LRP6: variants seen among roughly 807,000 people sequenced by gnomAD.
LRP6 encodes the protein LDL receptor related protein 6, also known as low-density lipoprotein receptor-related protein 6.
A neutral mutation model predicts 184.1 loss-of-function variants in LRP6; 43 were observed. The observed-to-expected ratio is 0.23, with a 90% CI of 0.18 to 0.30. LRP6 has a LOEUF of 0.30. Among genes scored for constraint, LRP6 ranks in the 10% least tolerant of loss-of-function variants. The pLI, the probability that LRP6 is intolerant of heterozygous loss-of-function variation, is 1.00. For synonymous variants in LRP6, 719 were observed against 684.9 expected, an observed-to-expected ratio of 1.05 and a Z score of -0.78; for missense variants, 1,571 against 2,005.3, an observed-to-expected ratio of 0.78 and a Z score of 4.14.
intron 14 of LRP6, among the ~76,000 whole-genome samples, chr12:12,147,883 G>A (rs1376451565): frequency 6.6e-6 from 1 of 151,960 alleles, no homozygotes; most frequent in Non-Finnish European, 1.5e-5. Flanking sequence ...GCTGAGGTGG[G>A]AGGATCACTT....
intron 2 of LRP6, among the ~76,000 whole-genome samples, chr12:12,236,166 G>C (rs1236718604): frequency 6.6e-6 from 1 of 152,104 alleles, no homozygotes; most frequent in Non-Finnish European, 1.5e-5. Context: ...GGCGGAGCTT[G>C]CAGTGAGCCA....
chr12:12,177,556 C>T (rs544726883), intron 7 of LRP6, among the ~76,000 whole-genome samples: 2 of 152,266 alleles, frequency 1.3e-5, no homozygotes, highest in African/African-American at 4.8e-5. Flanking sequence ...CGAAGAGCTG[C>T]ACTCTTTCTT....
Position 12,249,694 on chromosome 12 carries a change from AG to A in LRP6, c.56-5040del, listed in dbSNP as rs1191366869. ...ACAGAAGGAAGGAAGGAAGGAAGGA[AG>A]GAAGGAAGGAAGGAAGGAAGGAAGG... On this transcript the variant is annotated intron_variant, in intron 1 of 22. Coordinates refer to ENST00000261349, the MANE Select transcript of LRP6 (RefSeq NM_002336.3). Among the ~76,000 whole-genome samples the A allele has an allele frequency of 8.6e-4, 116 of 135,014 alleles. 1 individual carries two copies. The highest frequency in any genetic ancestry group is 3.1e-3 in the African/African-American group (112 of 35,876). The allele number at this position is 135,014 out of a possible 152,430, so 88.6% of individuals were successfully genotyped here.
At chr12:12,184,181 T>C in intron 4 of LRP6, 70 bp from the exon 5 acceptor site, 1 of 1,427,982 alleles carries the variant, frequency 7.0e-7, no homozygotes, top group Non-Finnish European at 9.9e-7. Flanking sequence ...AACCATAACA[T>C]GAACAACTGT....
chr12:12,148,443 TTGAG>T (rs1452299305), intron 14 of LRP6, among the ~76,000 whole-genome samples: 2 of 152,214 alleles, frequency 1.3e-5, no homozygotes, highest in Admixed American at 6.5e-5. Flanking sequence ...CAACTGATTA[TTGAG>T]TATTTATTAA....
In LRP6 at chr12:12,181,457, A is replaced by T. The variant is rs952944566; in HGVS notation, c.977-18T>A. 5 of 1,017,658 alleles carry T rather than the reference A, an allele frequency of 4.9e-6. No individual in the cohort carries two copies. The highest frequency in any genetic ancestry group is 1.6e-5 in the African/African-American group (1 of 64,058). The allele number at this position is 1,017,658 out of a possible 1,614,324, so 63.0% of individuals were successfully genotyped here. A position where few individuals can be genotyped will look rare whatever the true frequency, so the allele number is the denominator to read the frequency against. ...TGTGGCACCTAGAACAACAAAGTGA[A>T]ATGAAGAATACTTTGAAACCCAGAG... On this transcript the variant is annotated intron_variant, in intron 5 of 22. Coordinates refer to ENST00000261349, the MANE Select transcript of LRP6 (RefSeq NM_002336.3).
intron 7 of LRP6, among the ~76,000 whole-genome samples, chr12:12,173,787 T>TC (rs1355263809): frequency 1.3e-5 from 2 of 152,096 alleles, no homozygotes; most frequent in Non-Finnish European, 2.9e-5. Flanking sequence ...TGCCCAATAA[T>TC]CAACTAGCAA....
chr12:12,206,260 T>A (rs189902707), intron 2 of LRP6, among the ~76,000 whole-genome samples: 2 of 152,132 alleles, frequency 1.3e-5, no homozygotes, highest in African/African-American at 4.8e-5. Context: ...TTTTTCATTT[T>A]GGCCAGGTGC....
At chr12:12,214,855 C>T (rs1864298544) in intron 2 of LRP6, among the ~76,000 whole-genome samples, 1 of 152,212 alleles carries the variant, frequency 6.6e-6, no homozygotes, top group Non-Finnish European at 1.5e-5. Context: ...CAGGAAATGA[C>T]CTTCAGGCTG....
chr12:12,243,045 T>C (rs368244507), intron 2 of LRP6, among the ~76,000 whole-genome samples: 1 of 152,358 alleles, frequency 6.6e-6, no homozygotes, highest in East Asian at 1.9e-4. Flanking sequence ...GAAAACAAAG[T>C]ATTAAAATAG....
chr12:12,142,866 C>T (rs540866140), intron 15 of LRP6, among the ~76,000 whole-genome samples: 1 of 152,060 alleles, frequency 6.6e-6, no homozygotes, highest in East Asian at 1.9e-4. Flanking sequence ...AATACTTAAT[C>T]ACAAAAGTAC....
At chr12:12,262,473 G>A (rs781466429) in intron 1 of LRP6, among the ~76,000 whole-genome samples, 4 of 151,712 alleles carry the variant, frequency 2.6e-5, no homozygotes, top group East Asian at 1.9e-4. Flanking sequence ...CAGGAGAATC[G>A]CTTGAACCAA....
intron 2 of LRP6, among the ~76,000 whole-genome samples, chr12:12,221,111 A>G (rs1487106606): frequency 3.9e-5 from 6 of 152,244 alleles, no homozygotes; most frequent in Non-Finnish European, 7.3e-5. Flanking sequence ...TGGTTAGCAG[A>G]AAACTGTCAG....
chr12:12,191,107 A>T (rs1489845211), intron 3 of LRP6, among the ~76,000 whole-genome samples: 9 of 152,256 alleles, frequency 5.9e-5, no homozygotes, highest in Admixed American at 3.9e-4. Context: ...TAGTAGACCA[A>T]TCTGAGAACA....
At chr12:12,162,130 C>G in intron 10 of LRP6, 63 bp downstream of exon 10, 1 of 1,230,342 alleles carries the variant, frequency 8.1e-7, no homozygotes. Flanking sequence ...TCATCTGTAA[C>G]TATGCCATGT....
chr12:12,190,879 C>A (rs189664626), intron 3 of LRP6, among the ~76,000 whole-genome samples: 6 of 152,284 alleles, frequency 3.9e-5, no homozygotes, highest in African/African-American at 1.4e-4. Context: ...CTCCATGAAT[C>A]CTCCATGTGA....
At chr12:12,153,863 G>A (rs1334200428) in intron 12 of LRP6, among the ~76,000 whole-genome samples, 6 of 152,162 alleles carry the variant, frequency 3.9e-5, no homozygotes, top group Admixed American at 3.9e-4. Context: ...AGGCATATGT[G>A]TTCACTGGTA....
At chr12:12,217,121 G>C (rs1864368774) in intron 2 of LRP6, among the ~76,000 whole-genome samples, 1 of 152,158 alleles carries the variant, frequency 6.6e-6, no homozygotes, top group South Asian at 2.1e-4. Context: ...CACACAGCAG[G>C]AGGTGAGCAA....
At chr12:12,265,754 A>C (rs1326003787) in intron 1 of LRP6, among the ~76,000 whole-genome samples, 5 of 152,214 alleles carry the variant, frequency 3.3e-5, no homozygotes, top group African/African-American at 1.2e-4. Context: ...CCGACGGGCC[A>C]GTCAAAAATC....
Sources: gnomAD v4.1 joint callset for allele counts (sites outside exome capture counted in the v4.1 genomes callset) on GRCh38, gnomAD v4.1.1 for gene constraint, MANE v1.5 for transcripts, NCBI Gene and HGNC (gene_info 2026-07-23, HGNC 2026-07-21) for gene names.